The following PCDH7 variants were observed in gnomAD, a reference collection of about 807,000 sequenced individuals.
The protein encoded by PCDH7 is protocadherin 7.
In PCDH7, 17 loss-of-function variants were observed where a neutral mutation model predicts 58.9. The ratio of observed to expected loss-of-function variants is 0.29; its 90% confidence interval spans 0.20 to 0.43. PCDH7 has a LOEUF of 0.43. Ranked by LOEUF, PCDH7 falls within the 20% of genes least tolerant of loss-of-function variation. The pLI is 1.00. For synonymous variants in PCDH7, 664 were observed against 616.4 expected, an observed-to-expected ratio of 1.08 and a Z score of -1.14; for missense variants, 1,274 against 1,441.0, an observed-to-expected ratio of 0.88 and a Z score of 1.88.
intron 1 of PCDH7, among the ~76,000 whole-genome samples, chr4:30,764,919 C>T (rs1382123801): frequency 6.6e-6 from 1 of 151,964 alleles, no homozygotes; most frequent in African/African-American, 2.4e-5. Context: ...CGAGGTTTCA[C>T]CACGTTGGTC....
intron 1 of PCDH7, among the ~76,000 whole-genome samples, chr4:30,844,030 A>C (rs1731587596): frequency 6.6e-6 from 1 of 152,204 alleles, no homozygotes; most frequent in Non-Finnish European, 1.5e-5. Flanking sequence ...CTTGCACTGT[A>C]TGGTTCTCTT....
intron 1 of PCDH7, among the ~76,000 whole-genome samples, chr4:30,904,880 A>T (rs1264506969): frequency 4.6e-5 from 7 of 152,166 alleles, no homozygotes. Flanking sequence ...ACACTTCAGA[A>T]ACTGACTCTA....
intron 1 of PCDH7, among the ~76,000 whole-genome samples, chr4:30,830,950 G>T (rs1729690177): frequency 6.6e-6 from 1 of 152,090 alleles, no homozygotes; most frequent in Admixed American, 6.6e-5. Flanking sequence ...TTCACTAAAT[G>T]TTGGACTTCT....
At chr4:30,949,332 GA>G (rs898279140) in intron 2 of PCDH7, among the ~76,000 whole-genome samples, 1 of 151,906 alleles carries the variant, frequency 6.6e-6, no homozygotes, top group African/African-American at 2.4e-5. Context: ...AATTCTAAGA[GA>G]AAAAAATTGT....
At chr4:30,780,341 T>G (rs1722615820) in intron 1 of PCDH7, among the ~76,000 whole-genome samples, 1 of 152,082 alleles carries the variant, frequency 6.6e-6, no homozygotes, top group African/African-American at 2.4e-5. Flanking sequence ...CCCCCATCTC[T>G]ACTAAAAATA....
chr4:30,751,258 T>C (rs1466422169), intron 1 of PCDH7, among the ~76,000 whole-genome samples: 1 of 152,228 alleles, frequency 6.6e-6, no homozygotes, highest in Non-Finnish European at 1.5e-5. Context: ...GTGGTAAAAT[T>C]AATGCTGTGC....
At chr4:30,759,685 C>T (rs1361718474) in intron 1 of PCDH7, among the ~76,000 whole-genome samples, 1 of 152,010 alleles carries the variant, frequency 6.6e-6, no homozygotes, top group African/African-American at 2.4e-5. Context: ...GTATAAAATA[C>T]AGCATATATA....
chr4:30,968,965 T>G (rs1189240282), intron 3 of PCDH7, among the ~76,000 whole-genome samples: 1 of 152,196 alleles, frequency 6.6e-6, no homozygotes, highest in Admixed American at 6.5e-5. Context: ...TATGAACTTA[T>G]GTAACAGCTT....
intron 1 of PCDH7, among the ~76,000 whole-genome samples, chr4:30,827,358 A>G (rs1001383544): frequency 3.9e-5 from 6 of 152,190 alleles, no homozygotes; most frequent in Non-Finnish European, 8.8e-5. Context: ...AGTACTATAC[A>G]TAGTGGAAGG....
intron 3 of PCDH7, among the ~76,000 whole-genome samples, chr4:31,073,304 A>C (rs1451579630): frequency 1.3e-5 from 2 of 152,218 alleles, no homozygotes; most frequent in African/African-American, 4.8e-5. Context: ...ACATAAATAA[A>C]CAAAATAGAT....
chr4:30,723,636 T>C lies in PCDH7; in HGVS notation c.2214T>C (p.Asn738=), dbSNP rs1216671668. ...TTTTTGTGATGGATGAAAATGACAATGCTCCCACAGTTACCCTTCCCAAAA... is the reference window on the plus strand; with the variant it reads ...TTTTTGTGATGGATGAAAATGACAACGCTCCCACAGTTACCCTTCCCAAAA... The change falls in exon 1 of 2, where the codon AAT becomes AAC. Residue 738 remains asparagine (N), a synonymous_variant. Transcript: ENST00000361762. The surrounding 1 kb of genome is among the most constrained non-coding windows in gnomAD (Gnocchi z 4.6). 2.5e-6 allele frequency: 4 copies of C among 1,614,016 alleles called. No homozygotes were observed. Among genetic ancestry groups the C allele is most frequent in the Non-Finnish European group, 3.4e-6 (4 of 1,180,044 alleles).
At chr4:30,844,338 A>C (rs1731632448) in intron 1 of PCDH7, among the ~76,000 whole-genome samples, 1 of 152,222 alleles carries the variant, frequency 6.6e-6, no homozygotes, top group Admixed American at 6.5e-5. Flanking sequence ...TGTGGAAATA[A>C]CAAATAGTAT....
chr4:30,733,310 A>T (rs1715776819), downstream of PCDH7, among the ~76,000 whole-genome samples: 1 of 152,214 alleles, frequency 6.6e-6, no homozygotes, highest in Non-Finnish European at 1.5e-5. Flanking sequence ...AGAGTAGTTC[A>T]TCCTTTGGAT....
chr4:30,881,817 C>A (rs952239785), intron 1 of PCDH7, among the ~76,000 whole-genome samples: 9 of 152,052 alleles, frequency 5.9e-5, no homozygotes, highest in Admixed American at 5.2e-4. Context: ...CAGAAATAGT[C>A]CTTGAATTGA....
At position 30,954,169 on chromosome 4, in the gene PCDH7, C is replaced by T. The variant is rs576699353; in HGVS notation, c.*7+3954C>T. On this transcript the variant is annotated intron_variant, in intron 3 of 3. Transcript: ENST00000509759. Reference sequence around the variant, plus strand: ...GCACACTCTGCAAGGCCCTGCACATCTGACTTTCAGTGAGTGTCTATGCAG... The same window carrying T: ...GCACACTCTGCAAGGCCCTGCACATTTGACTTTCAGTGAGTGTCTATGCAG... 2.0e-5 allele frequency among the ~76,000 whole-genome samples: 3 copies of T among 152,282 alleles called. No individual in the cohort carries two copies. In the East Asian group the frequency reaches 5.8e-4, roughly 29 times the overall value.
At chr4:30,829,077 A>G (rs921120384) in intron 1 of PCDH7, among the ~76,000 whole-genome samples, 2 of 151,946 alleles carry the variant, frequency 1.3e-5, no homozygotes, top group South Asian at 4.1e-4. Context: ...ATACACATGT[A>G]CCTGCACTTT....
chr4:30,932,021 T>C (rs1470202583), intron 2 of PCDH7, among the ~76,000 whole-genome samples: 1 of 152,178 alleles, frequency 6.6e-6, no homozygotes, highest in Admixed American at 6.5e-5. Flanking sequence ...TAAAAGAATA[T>C]GTGACTAACT....
chr4:31,097,613 T>TAGATATATATAG, intron 3 of PCDH7, among the ~76,000 whole-genome samples: 1 of 35,248 alleles, frequency 2.8e-5, no homozygotes, highest in East Asian at 4.1e-3. Context: ...TATATATATA[T>TAGATATATATAG]ATATATATAT....
downstream of PCDH7, chr4:31,145,810 T>G (rs181098850): frequency 6.6e-6 from 1 of 152,218 alleles, no homozygotes; most frequent in East Asian, 1.9e-4. Context: ...GTGAAATCAG[T>G]CCATTTGGCA....
Sources: gnomAD v4.1 joint callset for allele counts (sites outside exome capture counted in the v4.1 genomes callset) on GRCh38, gnomAD v4.1.1 for gene constraint, Gnocchi (gnomAD v3.1) non-coding constraint, MANE v1.5 for transcripts, NCBI Gene and HGNC (gene_info 2026-07-23, HGNC 2026-07-21) for gene names.